The following NPSR1 variants were observed in gnomAD, a reference collection of about 807,000 sequenced individuals.
NPSR1 encodes the protein neuropeptide S receptor 1.
NPSR1 carries 48 observed loss-of-function variants against 46.9 expected under a neutral mutation model. That is an observed-to-expected ratio of 1.02 (90% CI 0.81 to 1.30). The LOEUF (loss-of-function observed/expected upper bound fraction) is 1.30. Ranked by LOEUF, NPSR1 falls within the 50% of genes most tolerant of loss-of-function variation. NPSR1 has a pLI of 0.00. For synonymous variants in NPSR1, 176 were observed against 168.1 expected, an observed-to-expected ratio of 1.05 and a Z score of -0.36; for missense variants, 450 against 449.5, an observed-to-expected ratio of 1.00 and a Z score of -0.01.
intron 6 of NPSR1, among the ~76,000 whole-genome samples, chr7:34,837,747 C>T (rs1166512255): frequency 2.6e-5 from 4 of 152,184 alleles, no homozygotes; most frequent in African/African-American, 9.7e-5. Context: ...CACATAAAGA[C>T]AAGACTTTTT....
intron 4 of NPSR1, among the ~76,000 whole-genome samples, chr7:34,823,723 T>C (rs34066531): frequency 0.066 from 10,047 of 152,176 alleles, 951 homozygotes; most frequent in African/African-American, 0.21. Flanking sequence ...ATAAATTATT[T>C]ATAATAAAAA....
At chr7:34,737,609 C>T (rs903813072) in intron 2 of NPSR1, among the ~76,000 whole-genome samples, 5 of 152,210 alleles carry the variant, frequency 3.3e-5, no homozygotes, top group Non-Finnish European at 5.9e-5. Context: ...GTATTCAACA[C>T]AACTGGCCAC....
At chr7:34,827,648 G>T (rs763282880) in intron 5 of NPSR1, 46 bp downstream of exon 5, 1 of 848,558 alleles carries the variant, frequency 1.2e-6, no homozygotes, top group Admixed American at 2.0e-5. Flanking sequence ...TGGGGCGGGG[G>T]GGGCTTTCCT....
intron 1 of NPSR1, among the ~76,000 whole-genome samples, chr7:34,664,599 G>T (rs948654540): frequency 2.3e-5 from 3 of 132,336 alleles, no homozygotes; most frequent in African/African-American, 6.9e-5. Flanking sequence ...GAATTAAGCT[G>T]TTTCTTTTCT....
chr7:34,726,227 G>C (rs1784144450), intron 2 of NPSR1, among the ~76,000 whole-genome samples: 1 of 152,138 alleles, frequency 6.6e-6, no homozygotes, highest in South Asian at 2.1e-4. Context: ...CACCAATAAA[G>C]ATACACAGAT....
At chr7:34,823,420 C>CAAAAAAAAAAAAAAAAAAAAAAAAAA (rs1562756270) in intron 4 of NPSR1, among the ~76,000 whole-genome samples, 1 of 79,736 alleles carries the variant, frequency 1.3e-5, no homozygotes, top group Non-Finnish European at 2.4e-5. Flanking sequence ...AAAAAAACAA[C>CAAAAAAAAAAAAAAAAAAAAAAAAAA]ACCATAAATG....
At chr7:34,793,114 C>A (rs1788014436) in intron 3 of NPSR1, among the ~76,000 whole-genome samples, 1 of 151,840 alleles carries the variant, frequency 6.6e-6, no homozygotes. Flanking sequence ...ATTGCTTGAG[C>A]CCAGGAGTTC....
rs763341129 is a variant in NPSR1 at position 34,778,531 on chromosome 7, C to G, written c.350C>G (p.Pro117Arg). ...NWRFTGDFTA[P>R]DLVCRVVRYL... ...CGATTCACTGGAGACTTCACGGCAC[C>G]TGACCTGGTTTGCCGAGTGGTCCGC... Residue 117 changes from proline (P) to arginine (R), a missense_variant, in exon 3 of 9, where the codon CCT becomes CGT. By Grantham distance (103) the Pro-to-Arg change is moderately radical (BLOSUM62 -2). Coordinates refer to ENST00000360581, the MANE Select transcript of NPSR1 (RefSeq NM_207172.2). The G allele has an allele frequency of 3.7e-6, 6 of 1,612,710 alleles. No homozygotes were observed. The highest frequency in any genetic ancestry group is 3.3e-5 in the South Asian group (3 of 91,020).
intron 3 of NPSR1, among the ~76,000 whole-genome samples, chr7:34,785,526 T>TATA (rs112586709): frequency 6.6e-5 from 10 of 150,962 alleles, no homozygotes; most frequent in African/African-American, 2.4e-4. Flanking sequence ...AAACTTAAAG[T>TATA]ATAATAAAAA....
intron 1 of NPSR1, among the ~76,000 whole-genome samples, chr7:34,662,354 T>C (rs1463145732): frequency 6.6e-6 from 1 of 152,118 alleles, no homozygotes; most frequent in East Asian, 1.9e-4. Flanking sequence ...GTTAATTTTC[T>C]TAACACACTC....
At chr7:34,876,780 C>A (rs1434805818) in intron 8 of NPSR1, among the ~76,000 whole-genome samples, 1 of 152,218 alleles carries the variant, frequency 6.6e-6, no homozygotes, top group African/African-American at 2.4e-5. Context: ...CTTTCCTACT[C>A]AGCCTCTGTC....
chr7:34,842,853 C>T (rs1488426732), intron 6 of NPSR1, among the ~76,000 whole-genome samples: 1 of 152,240 alleles, frequency 6.6e-6, no homozygotes, highest in South Asian at 2.1e-4. Flanking sequence ...CTCAGAAAGA[C>T]ATTCAAGGCC....
At chr7:34,818,760 C>T (rs1172039738) in intron 4 of NPSR1, among the ~76,000 whole-genome samples, 1 of 152,058 alleles carries the variant, frequency 6.6e-6, no homozygotes, top group Non-Finnish European at 1.5e-5. Flanking sequence ...TCAGACATAA[C>T]ACCACACTTC....
At chr7:34,663,461 T>G (rs1791576391) in intron 1 of NPSR1, among the ~76,000 whole-genome samples, 1 of 152,146 alleles carries the variant, frequency 6.6e-6, no homozygotes, top group African/African-American at 2.4e-5. Flanking sequence ...CTATACAACT[T>G]CCACCTCATG....
At chr7:34,764,344 T>G (rs556239511) in intron 2 of NPSR1, among the ~76,000 whole-genome samples, 1 of 152,326 alleles carries the variant, frequency 6.6e-6, no homozygotes. Flanking sequence ...AAAGTCACAG[T>G]AGGACATTTG....
At chr7:34,712,328 AT>A (rs1201443682) in intron 2 of NPSR1, among the ~76,000 whole-genome samples, 1 of 152,036 alleles carries the variant, frequency 6.6e-6, no homozygotes, top group East Asian at 1.9e-4. Flanking sequence ...CTACTTTTCC[AT>A]TTTTCATGTT....
At chr7:34,688,401 A>G (rs991073176) in intron 2 of NPSR1, among the ~76,000 whole-genome samples, 2 of 152,248 alleles carry the variant, frequency 1.3e-5, no homozygotes, top group African/African-American at 2.4e-5. Flanking sequence ...TACAGAATTT[A>G]TAACTGTTGC....
Position 34,811,878 on chromosome 7 carries a change from C to G in NPSR1, c.478+15C>G. 6.3e-7 allele frequency: 1 copy of G among 1,575,302 alleles called. No individual in the cohort carries two copies. Among genetic ancestry groups the G allele is most frequent in the Non-Finnish European group, 8.7e-7 (1 of 1,145,996 alleles). On this transcript the variant is annotated intron_variant, in intron 4 of 8. Transcript: ENST00000360581. ...CCTTCAAGGAGGTGAGCTGGCTTTA[C>G]CAGGTGCTCTTTCATAAAGAACTGT... is the stretch of plus-strand genomic sequence containing the variant.
At position 34,658,387 on chromosome 7, in the gene NPSR1, C is replaced by T. The variant is rs771454654; in HGVS notation, c.-26C>T. The T allele has an allele frequency of 7.4e-6, 12 of 1,612,130 alleles. No individual in the cohort carries two copies. The highest frequency in any genetic ancestry group is 2.2e-5 in the South Asian group (2 of 90,902). ...CCTCACTCAGCTGCAGGAGCAAGGA[C>T]AGTGAGGCTCAACCCCGCCTGAGCC... On this transcript the variant is annotated 5_prime_UTR_variant, in exon 1 of 9. Transcript: ENST00000360581.
Sources: gnomAD v4.1 joint callset for allele counts (sites outside exome capture counted in the v4.1 genomes callset) on GRCh38, gnomAD v4.1.1 for gene constraint, MANE v1.5 for transcripts, NCBI Gene and HGNC (gene_info 2026-07-23, HGNC 2026-07-21) for gene names.